SMN2: variants seen among roughly 807,000 people sequenced by gnomAD.
SMN2 encodes survival motor neuron protein.
Under a neutral mutation model 2.8 loss-of-function variants are expected in SMN2, and 1 was observed. The observed-to-expected ratio is 0.35, with a 90% confidence interval of 0.13 to 1.68. SMN2 has a LOEUF of 1.68. Ranked by LOEUF, SMN2 falls within the 40% of genes most tolerant of loss-of-function variation. The pLI, the probability that SMN2 is intolerant of heterozygous loss-of-function variation, is 0.35. For missense variants in SMN2, 12 were observed against 16.9 expected (o/e 0.71, Z 0.51); for synonymous variants, 5 against 5.0 (o/e 0.99, Z 0.01).
At chr5:70,084,475 C>T in the SMN2 span, among the ~76,000 whole-genome samples, 1 of 135,774 alleles carries the variant, frequency 7.4e-6, no homozygotes, top group South Asian at 2.3e-4. Flanking sequence ...GCATGAGCCA[C>T]CGTGCCCGAC....
At chr5:70,085,126 C>A in the SMN2 span, among the ~76,000 whole-genome samples, 1 of 130,274 alleles carries the variant, frequency 7.7e-6, no homozygotes, top group African/African-American at 3.4e-5. Flanking sequence ...TAGTGGTATT[C>A]CAAGGTGCAT....
intron 7 of SMN2, among the ~76,000 whole-genome samples, chr5:70,074,933 G>C (rs1256958773): frequency 7.9e-6 from 1 of 126,250 alleles, no homozygotes; most frequent in Non-Finnish European, 1.7e-5. Flanking sequence ...CGGAGGTTGC[G>C]GTGAGCCAAG....
At chr5:70,078,040 CTATT>C (rs1449122111), downstream of SMN2, 2 of 83,302 alleles carry the variant, frequency 2.4e-5, no homozygotes, top group South Asian at 3.4e-4. Context: ...CACGGCCTCT[CTATT>C]TATTTCTATA....
At chr5:70,083,843 C>T in the SMN2 span, among the ~76,000 whole-genome samples, 10 of 132,484 alleles carry the variant, frequency 7.5e-5, 1 homozygote, top group South Asian at 2.3e-4. Context: ...AGGAGATATA[C>T]CTAATGCTAA....
At chr5:70,074,732 C>T (rs1487343988) in intron 7 of SMN2, among the ~76,000 whole-genome samples, 1 of 129,114 alleles carries the variant, frequency 7.7e-6, no homozygotes, top group African/African-American at 3.1e-5. Flanking sequence ...GTGGCTCACG[C>T]CGGTAATCCC....
At chr5:70,076,487 CTA>C (rs1485867416) in intron 7 of SMN2, 32 bp from the exon 8 acceptor site, 1 of 1,356,280 alleles carries the variant, frequency 7.4e-7, no homozygotes. Context: ...ATCTATATAG[CTA>C]TTTTTTTTAA....
the SMN2 span, among the ~76,000 whole-genome samples, chr5:70,084,188 GT>G: frequency 2.4e-3 from 120 of 50,664 alleles, 4 homozygotes; most frequent in Middle Eastern, 0.011. Flanking sequence ...CATTTAAATT[GT>G]TTTTTTTTTT....
At chr5:70,083,376 C>A (rs1316961105), downstream of SMN2, among the ~76,000 whole-genome samples, 1 of 136,632 alleles carries the variant, frequency 7.3e-6, no homozygotes, top group African/African-American at 3.1e-5. Context: ...GCTTCAACCA[C>A]TGTGGAAGTC....
chr5:70,085,558 A>AT, the SMN2 span, among the ~76,000 whole-genome samples: 1 of 67,508 alleles, frequency 1.5e-5, no homozygotes. Flanking sequence ...TTATTAAATA[A>AT]TGTGTCTTTA....
the SMN2 span, among the ~76,000 whole-genome samples, chr5:70,083,795 A>T: frequency 7.7e-6 from 1 of 129,048 alleles, no homozygotes; most frequent in Non-Finnish European, 1.6e-5. Flanking sequence ...CACTCTTGGG[A>T]CTGTTGTGGG....
chr5:70,076,644 T>G lies in SMN2; in HGVS notation c.*3+70T>G. On this transcript the variant is annotated intron_variant, in intron 8 of 8. Coordinates refer to ENST00000380743, the MANE Select transcript of SMN2 (RefSeq NM_017411.4). The stretch of plus-strand genomic sequence containing the variant: ...CTTTATGGTTTGTGGAAAACAAATG[T>G]TTTTGAACATTTAAAAAGTTCAGAT... 30 of 1,415,022 alleles carry G rather than the reference T, an allele frequency of 2.1e-5. 4 individuals carry two copies. The South Asian group carries it at 3.7e-4, about 17-fold the overall frequency. 87.7% of individuals were successfully genotyped at this position (1,415,022 alleles called of 1,614,324 possible).
At chr5:70,053,182 C>CA (rs1774505921) in intron 1 of SMN2, among the ~76,000 whole-genome samples, 1 of 14,212 alleles carries the variant, frequency 7.0e-5, no homozygotes, top group Admixed American at 7.4e-4. Flanking sequence ...AATCAGCTCA[C>CA]AGTTCTGCTG....
intron 7 of SMN2, among the ~76,000 whole-genome samples, chr5:70,074,917 A>G (rs1237528828): frequency 1.3e-3 from 139 of 109,936 alleles, no homozygotes; most frequent in Middle Eastern, 6.0e-3. Context: ...GCTTGAACCG[A>G]GAAGGCGGAG....
Position 70,075,744 on chromosome 5 carries a change from G to C in SMN2, c.835-777G>C, listed in dbSNP as rs1774731092. Among the ~76,000 whole-genome samples the C allele has an allele frequency of 1.6e-5, 2 of 121,298 alleles. 1 individual carries two copies. The highest frequency in any genetic ancestry group is 3.4e-5 in the Non-Finnish European group (2 of 58,546). 79.6% of individuals were successfully genotyped at this position (121,298 alleles called of 152,430 possible). On this transcript the variant is annotated intron_variant, in intron 7 of 8. Coordinates refer to ENST00000380743, the MANE Select transcript of SMN2 (RefSeq NM_017411.4). ...GCTGGAGTGCAAGGGCACATTCACA[G>C]CTCACTGCAGCCTTGACCTCCAGGG...
At chr5:70,083,869 G>A in the SMN2 span, among the ~76,000 whole-genome samples, 1 of 130,606 alleles carries the variant, frequency 7.7e-6, no homozygotes, top group Non-Finnish European at 1.5e-5. Context: ...GAGTTAATTG[G>A]TGCAGCACAC....
In SMN2 at chr5:70,076,562, C is replaced by G. The variant is rs541491592; in HGVS notation, c.876C>G (p.Ser292=). Residue 292 remains serine, a synonymous_variant, in exon 8 of 9, where the codon TCC becomes TCG. Coordinates refer to ENST00000380743, the MANE Select transcript of SMN2 (RefSeq NM_017411.4). ...QNQKEGRCSH[S]LN ...AAAAAGAAGGAAGGTGCTCACATTC[C>G]TTAAATTAAGGAGTAAGTCTGCCAG... 12 of 1,462,986 alleles carry G rather than the reference C, an allele frequency of 8.2e-6. 2 individuals are homozygous for G. In the East Asian group the frequency reaches 2.4e-4, roughly 29 times the overall value. 90.6% of individuals were successfully genotyped at this position (1,462,986 alleles called of 1,614,324 possible).
the SMN2 span, among the ~76,000 whole-genome samples, chr5:70,083,566 TG>T: frequency 1.5e-5 from 2 of 136,690 alleles, no homozygotes; most frequent in Admixed American, 1.5e-4. Context: ...CGTCCAACAA[TG>T]ATAGACTGGA....
chr5:70,080,048 G>A (rs1774834210), downstream of SMN2, among the ~76,000 whole-genome samples: 1 of 108,156 alleles, frequency 9.2e-6, no homozygotes, highest in African/African-American at 4.4e-5. Flanking sequence ...ATTAAGGCCA[G>A]GCATGGTGGC....
the SMN2 span, among the ~76,000 whole-genome samples, chr5:70,085,480 T>G: frequency 2.5e-5 from 3 of 118,120 alleles, 1 homozygote; most frequent in African/African-American, 1.2e-4. Flanking sequence ...TGACCTCAAG[T>G]GATCCACCCA....
Sources: allele counts gnomAD v4.1 joint callset (sites outside exome capture counted in the v4.1 genomes callset), GRCh38; gene constraint gnomAD v4.1.1; transcripts MANE v1.5; gene names NCBI Gene and HGNC (gene_info 2026-07-23, HGNC 2026-07-21).